Variants in SP4 observed in about 807,000 individuals in gnomAD.
The protein encoded by SP4 is Sp4 transcription factor.
A neutral mutation model predicts 72.8 loss-of-function variants in SP4; 19 were observed. The ratio of observed to expected loss-of-function variants is 0.26; its 90% CI spans 0.18 to 0.38. The LOEUF is 0.38. SP4 is among the 10% of genes least tolerant of loss of function. SP4 has a pLI of 1.00. For missense variants in SP4, 1,008 were observed against 926.3 expected, an observed-to-expected ratio of 1.09 and a Z score of -1.14; for synonymous variants, 395 against 333.1, an observed-to-expected ratio of 1.19 and a Z score of -2.02.
At chr7:21,473,634 A>G (rs1784413369) in intron 3 of SP4, among the ~76,000 whole-genome samples, 1 of 152,214 alleles carries the variant, frequency 6.6e-6, no homozygotes, top group African/African-American at 2.4e-5. Flanking sequence ...TTTAGATGGG[A>G]TGGTCAGGAA....
rs377360762 is a variant in SP4 at position 21,465,901 on chromosome 7, A to G, written c.1679-11178A>G. Among the ~76,000 whole-genome samples, 10 of 152,072 alleles carry G rather than the reference A, an allele frequency of 6.6e-5. No individual in the cohort carries two copies. In the South Asian group the frequency reaches 1.7e-3, roughly 25 times the overall value. Reference sequence around the variant, plus strand: ...GTTTAATTAAGGCCCTTCCTGATCTATCCTTCCAACCCTATCTTTAGCCCC... The same window carrying G: ...GTTTAATTAAGGCCCTTCCTGATCTGTCCTTCCAACCCTATCTTTAGCCCC... On this transcript the variant is annotated intron_variant, in intron 3 of 5. Transcript: ENST00000222584.
At chr7:21,429,199 ATAAG>A (rs1450043335) in intron 2 of SP4, 86 bp from the exon 3 acceptor site, 10 of 681,594 alleles carry the variant, frequency 1.5e-5, no homozygotes, top group Admixed American at 5.7e-5. Context: ...AGCTGTCAAA[ATAAG>A]TAACCCCCTG....
At chr7:21,431,083 A>T (rs1389435900) in intron 3 of SP4, among the ~76,000 whole-genome samples, 1 of 152,202 alleles carries the variant, frequency 6.6e-6, no homozygotes, top group Admixed American at 6.5e-5. Context: ...GTATTGTTTT[A>T]TGGGACAGAG....
intron 5 of SP4, among the ~76,000 whole-genome samples, chr7:21,503,385 G>A (rs1781917184): frequency 1.3e-5 from 2 of 152,152 alleles, no homozygotes; most frequent in Admixed American, 1.3e-4. Flanking sequence ...ATGCTATTGG[G>A]GGACATTTGG....
At chr7:21,499,819 A>T (rs1157989952) in intron 5 of SP4, among the ~76,000 whole-genome samples, 1 of 152,226 alleles carries the variant, frequency 6.6e-6, no homozygotes, top group Non-Finnish European at 1.5e-5. Context: ...TGTTTCATAC[A>T]TTGTCATAGC....
intron 5 of SP4, among the ~76,000 whole-genome samples, chr7:21,494,056 AAC>A (rs1298149962): frequency 3.3e-5 from 5 of 152,238 alleles, no homozygotes; most frequent in Non-Finnish European, 7.4e-5. Flanking sequence ...CATGACAGCA[AAC>A]ACACAATAAA....
In SP4 at chr7:21,430,096, G is replaced by T; in HGVS notation, c.931G>T (p.Ala311Ser). 6.2e-7 allele frequency: 1 copy of T among 1,614,156 alleles called. No individual in the cohort carries two copies. Among genetic ancestry groups the T allele is most frequent in the Non-Finnish European group, 8.5e-7 (1 of 1,180,044 alleles). Residue 311 changes from alanine to serine, a missense_variant, in exon 3 of 6, where the codon GCC becomes TCC. By Grantham distance (99) the Ala-to-Ser change is moderately conservative (BLOSUM62 1). Transcript: ENST00000222584. The part of the protein sequence containing the change: ...VSTPTNTTTS[A>S]STMPESPSSS... Reference sequence around the variant, plus strand: ...CACACCCACCAACACCACTACTTCTGCCAGTACTATGCCAGAATCTCCCTC... The same window carrying T: ...CACACCCACCAACACCACTACTTCTTCCAGTACTATGCCAGAATCTCCCTC...
At chr7:21,461,617 G>A (rs941909883) in intron 3 of SP4, among the ~76,000 whole-genome samples, 5 of 152,240 alleles carry the variant, frequency 3.3e-5, no homozygotes, top group Non-Finnish European at 4.4e-5. Context: ...GTTGCCACCC[G>A]TGCCTCTCCC....
rs1190161322 is a variant in SP4, at chr7:21,513,910, T to C, written c.*2641T>C. The C allele has an allele frequency of 6.6e-6, 1 of 152,454 alleles. No homozygotes were observed. Among genetic ancestry groups the C allele is most frequent in the African/African-American group, 2.4e-5 (1 of 41,460 alleles). 9.4% of individuals were successfully genotyped at this position (152,454 alleles called of 1,614,324 possible). A position where few individuals can be genotyped will look rare whatever the true frequency, so the allele number is the denominator to read the frequency against. The stretch of plus-strand genomic sequence containing the variant: ...CATTCTGAGTCTACTTTTCTGTCTT[T>C]AGAAGAATCGTAAATTTCAGTGTCC... On this transcript the variant is annotated 3_prime_UTR_variant, in exon 6 of 6. Transcript: ENST00000222584.
chr7:21,491,878 G>A (rs933916194), intron 5 of SP4, among the ~76,000 whole-genome samples: 15 of 100,766 alleles, frequency 1.5e-4, no homozygotes, highest in Admixed American at 3.0e-4. Flanking sequence ...GAAATGCCAA[G>A]GAAGTTCTTC....
intron 3 of SP4, among the ~76,000 whole-genome samples, chr7:21,460,820 G>C (rs888664925): frequency 6.6e-6 from 1 of 152,112 alleles, no homozygotes; most frequent in Non-Finnish European, 1.5e-5. Context: ...ATGCTGATTG[G>C]TGCATTTACA....
At chr7:21,465,421 C>T (rs1465320968) in intron 3 of SP4, among the ~76,000 whole-genome samples, 2 of 152,242 alleles carry the variant, frequency 1.3e-5, no homozygotes, top group Non-Finnish European at 2.9e-5. Flanking sequence ...AGGTTCACAT[C>T]TTAGCTTTGC....
At chr7:21,460,741 C>T (rs1280583178) in intron 3 of SP4, among the ~76,000 whole-genome samples, 4 of 152,022 alleles carry the variant, frequency 2.6e-5, no homozygotes, top group Middle Eastern at 3.2e-3. Context: ...AAGTTCTCCA[C>T]GTCACCACTA....
At chr7:21,428,890 A>T (rs564018024) in intron 2 of SP4, 98 bp downstream of exon 2, 2 of 946,054 alleles carry the variant, frequency 2.1e-6, no homozygotes, top group Admixed American at 2.9e-5. Context: ...TAAAATGTTT[A>T]TCCACTCAAA....
chr7:21,464,341 C>T (rs1784096300), intron 3 of SP4, among the ~76,000 whole-genome samples: 1 of 151,964 alleles, frequency 6.6e-6, no homozygotes, highest in Non-Finnish European at 1.5e-5. Context: ...CATGATCCGC[C>T]CACCTCGGCC....
At chr7:21,487,410 G>GTTT (rs200086841) in intron 5 of SP4, among the ~76,000 whole-genome samples, 12 of 124,426 alleles carry the variant, frequency 9.6e-5, no homozygotes, top group South Asian at 2.6e-4. Context: ...AATCTCTAGG[G>GTTT]TTTTTTTTTT....
chr7:21,510,967 T>C, intron 5 of SP4, 55 bp from the exon 6 acceptor site: 1 of 1,506,806 alleles, frequency 6.6e-7, no homozygotes, highest in South Asian at 1.3e-5. Context: ...TATTAAAAAT[T>C]ATAATTTCAC....
chr7:21,449,573 G>T (rs543789189), intron 3 of SP4, among the ~76,000 whole-genome samples: 339 of 152,192 alleles, frequency 2.2e-3, no homozygotes, highest in African/African-American at 7.6e-3. Context: ...TTAAGTATAC[G>T]TGTGTGTATA....
chr7:21,491,319 A>G (rs1159214773), intron 5 of SP4, among the ~76,000 whole-genome samples: 1 of 152,230 alleles, frequency 6.6e-6, no homozygotes, highest in Non-Finnish European at 1.5e-5. Context: ...AATAGAGGAA[A>G]GAGTCAGTGA....
Sources: gnomAD v4.1 joint callset for allele counts (sites outside exome capture counted in the v4.1 genomes callset) on GRCh38, gnomAD v4.1.1 for gene constraint, MANE v1.5 for transcripts, NCBI Gene and HGNC (gene_info 2026-07-23, HGNC 2026-07-21) for gene names.